The following CYP4F22 variants were observed in gnomAD, a reference collection of about 807,000 sequenced individuals.
The protein encoded by CYP4F22 is ultra-long-chain fatty acid omega-hydroxylase.
A neutral mutation model predicts 60.4 loss-of-function variants in CYP4F22; 37 were observed. The ratio of observed to expected loss-of-function variants is 0.61; its 90% confidence interval spans 0.47 to 0.81. The LOEUF is 0.81. CYP4F22 is among the 30% of genes least tolerant of loss of function. The pLI, the probability that CYP4F22 is intolerant of heterozygous loss-of-function variation, is 0.00. For synonymous variants in CYP4F22, 258 were observed against 280.5 expected, an observed-to-expected ratio of 0.92 and a Z score of 0.80; for missense variants, 655 against 715.0, an observed-to-expected ratio of 0.92 and a Z score of 0.96.
intron 4 of CYP4F22, among the ~76,000 whole-genome samples, chr19:15,530,168 G>A (rs113098864): frequency 2.0e-5 from 3 of 152,246 alleles, no homozygotes; most frequent in Admixed American, 6.5e-5. Flanking sequence ...GCCGTGGCAC[G>A]CCCATCATTT....
chr19:15,531,970 G>A (rs938689167), intron 4 of CYP4F22, among the ~76,000 whole-genome samples: 1 of 152,018 alleles, frequency 6.6e-6, no homozygotes, highest in Non-Finnish European at 1.5e-5. Flanking sequence ...GCCAGGTGTG[G>A]TGGTGCGTGC....
chr19:15,509,904 C>CCTTTCCTTCCTTCCTTCTTT (rs1971066504), intron 1 of CYP4F22, among the ~76,000 whole-genome samples: 1 of 86,696 alleles, frequency 1.2e-5, no homozygotes. Flanking sequence ...TTCCTTCCTT[C>CCTTTCCTTCCTTCCTTCTTT]CTTTCTTTCT....
In CYP4F22 at chr19:15,548,002, A is replaced by AGAGT. The variant is rs1237209926; in HGVS notation, c.1137-105_1137-104insAGTG. 4.6e-4 allele frequency: 169 copies of AGAGT among 367,204 alleles called. 3 individuals are homozygous for AGAGT. The highest frequency in any genetic ancestry group is 2.2e-3 in the African/African-American group (58 of 26,276). 22.7% of individuals were successfully genotyped at this position (367,204 alleles called of 1,614,324 possible). A position where few individuals can be genotyped will look rare whatever the true frequency, so the allele number is the denominator to read the frequency against. On this transcript the variant is annotated intron_variant, in intron 10 of 13. Coordinates refer to ENST00000269703, the MANE Select transcript of CYP4F22 (RefSeq NM_173483.4). ...GAGAGAGAGAGAGAGAGAGGGAGAG[A>AGAGT]GTGTGTGTGTGTGTGTGTGTGTGTG...
intron 1 of CYP4F22, among the ~76,000 whole-genome samples, chr19:15,517,710 G>C (rs936090177): frequency 3.9e-5 from 6 of 152,324 alleles, no homozygotes; most frequent in Middle Eastern, 3.4e-3. Context: ...GGAAGATGGA[G>C]TGAATGATAG....
chr19:15,512,725 G>T (rs780570008), intron 1 of CYP4F22, among the ~76,000 whole-genome samples: 5 of 152,186 alleles, frequency 3.3e-5, no homozygotes, highest in Non-Finnish European at 7.3e-5. Context: ...TTACGGGCAT[G>T]AGCCACTTCA....
At position 15,549,139 on chromosome 19, in the gene CYP4F22, A is replaced by G; in HGVS notation, c.1272A>G (p.Gly424=). The G allele has an allele frequency of 3.1e-6, 5 of 1,614,012 alleles. No homozygotes were observed. Among genetic ancestry groups the G allele is most frequent in the Non-Finnish European group, 4.2e-6 (5 of 1,179,978 alleles). The change falls in exon 12 of 14, where the codon GGA becomes GGG. Residue 424 remains glycine (G), a splice_region_variant and synonymous_variant. Transcript: ENST00000269703. ...CACTGATCCCATCTTTCCCCACAGGAATCATCTGCTTGGTCAGCATCTATG... is the reference window on the plus strand; with the variant it reads ...CACTGATCCCATCTTTCCCCACAGGGATCATCTGCTTGGTCAGCATCTATG... ...KLPDGRIIPK[G]IICLVSIYGT...
At chr19:15,510,224 C>T (rs1335314846) in intron 1 of CYP4F22, among the ~76,000 whole-genome samples, 2 of 151,964 alleles carry the variant, frequency 1.3e-5, no homozygotes, top group African/African-American at 4.8e-5. Flanking sequence ...TCAAGTGATC[C>T]ACCCGCCTCA....
At chr19:15,509,904 C>CCTTCCTTCCTTTCCTTCCTTCTTT (rs1323141197) in intron 1 of CYP4F22, among the ~76,000 whole-genome samples, 3 of 86,696 alleles carry the variant, frequency 3.5e-5, no homozygotes, top group Non-Finnish European at 7.5e-5. Context: ...TTCCTTCCTT[C>CCTTCCTTCCTTTCCTTCCTTCTTT]CTTTCTTTCT....
intron 1 of CYP4F22, among the ~76,000 whole-genome samples, chr19:15,513,480 T>G (rs1456737026): frequency 2.0e-5 from 3 of 150,946 alleles, no homozygotes; most frequent in African/African-American, 7.3e-5. Flanking sequence ...TTCTTCAGCC[T>G]CAGCCTCCCG....
chr19:15,540,386 C>T, intron 7 of CYP4F22, 64 bp from the exon 8 acceptor site: 1 of 1,606,002 alleles, frequency 6.2e-7, no homozygotes, highest in Non-Finnish European at 8.5e-7. Context: ...TTATCTTAGC[C>T]AAGCCAGGGC....
rs374509751 is a variant in CYP4F22 at position 15,549,125 on chromosome 19, T to C, written c.1271-13T>C. On this transcript the variant is annotated splice_polypyrimidine_tract_variant and intron_variant, in intron 11 of 13. Coordinates refer to ENST00000269703, the MANE Select transcript of CYP4F22 (RefSeq NM_173483.4). ...GCTCCCCTTGGCCCCACTGATCCCA[T>C]CTTTCCCCACAGGAATCATCTGCTT... is the stretch of plus-strand genomic sequence containing the variant. 3.4e-5 allele frequency: 55 copies of C among 1,613,826 alleles called. No homozygotes were observed. The highest frequency in any genetic ancestry group is 4.6e-5 in the Non-Finnish European group (54 of 1,179,974).
chr19:15,516,708 C>A, intron 1 of CYP4F22: 4 of 547,620 alleles, frequency 7.3e-6, no homozygotes, highest in Admixed American at 2.8e-5. Flanking sequence ...GATACAAATT[C>A]ATTCTTGTTG....
At chr19:15,522,055 G>C (rs1971232533) in intron 1 of CYP4F22, among the ~76,000 whole-genome samples, 1 of 149,390 alleles carries the variant, frequency 6.7e-6, no homozygotes, top group Non-Finnish European at 1.5e-5. Flanking sequence ...TGAGGCATGA[G>C]AATTGCTTGA....
chr19:15,543,674 T>A (rs913223233), intron 8 of CYP4F22, among the ~76,000 whole-genome samples: 2 of 152,026 alleles, frequency 1.3e-5, no homozygotes. Context: ...CTGGCCAATA[T>A]GGCAAAATTG....
At chr19:15,526,070 C>T (rs187736959) in intron 3 of CYP4F22, among the ~76,000 whole-genome samples, 4 of 152,006 alleles carry the variant, frequency 2.6e-5, no homozygotes, top group Non-Finnish European at 5.9e-5. Context: ...GAGGCTGAGG[C>T]GCGAGGATTG....
At chr19:15,510,963 T>TAC (rs1971083245) in intron 1 of CYP4F22, among the ~76,000 whole-genome samples, 1 of 117,472 alleles carries the variant, frequency 8.5e-6, no homozygotes, top group East Asian at 2.4e-4. Context: ...TATATATATA[T>TAC]ATATTTTTTT....
chr19:15,523,047 C>T, intron 1 of CYP4F22, among the ~76,000 whole-genome samples: 1 of 151,292 alleles, frequency 6.6e-6, no homozygotes, highest in Non-Finnish European at 1.5e-5. Flanking sequence ...TGTGGTTTGG[C>T]GTTGGCTGGC....
At chr19:15,525,304 G>T (rs144299489) in intron 2 of CYP4F22, 32 bp from the exon 3 acceptor site, 1 of 1,603,564 alleles carries the variant, frequency 6.2e-7, no homozygotes, top group East Asian at 2.2e-5. Context: ...TCTTGTGCAT[G>T]GCACCGACCC....
At chr19:15,548,314 C>T in intron 11 of CYP4F22, 73 bp downstream of exon 11, 2 of 1,591,476 alleles carry the variant, frequency 1.3e-6, no homozygotes, top group Non-Finnish European at 8.6e-7. Flanking sequence ...CCACAGGGGC[C>T]TGGCTATGCC....
Sources: gnomAD v4.1 joint callset for allele counts (sites outside exome capture counted in the v4.1 genomes callset) on GRCh38, gnomAD v4.1.1 for gene constraint, MANE v1.5 for transcripts, NCBI Gene and HGNC (gene_info 2026-07-23, HGNC 2026-07-21) for gene names.